Variants in KCNIP4 observed in about 807,000 individuals in gnomAD.
The protein encoded by KCNIP4 is Kv channel-interacting protein 4.
In KCNIP4, 12 loss-of-function variants were observed where a neutral mutation model predicts 34.0. That is an observed-to-expected ratio of 0.35 (90% CI 0.23 to 0.57). The LOEUF is 0.57. Ranked by LOEUF, KCNIP4 falls within the 20% of genes least tolerant of loss-of-function variation. KCNIP4 has a pLI of 0.83. For synonymous variants in KCNIP4, 124 were observed against 102.2 expected (o/e 1.21, Z -1.29); for missense variants, 238 against 311.7 (o/e 0.76, Z 1.78).
chr4:21,330,339 C>T (rs71607065), intron 1 of KCNIP4, among the ~76,000 whole-genome samples: 15 of 152,268 alleles, frequency 9.9e-5, no homozygotes, highest in South Asian at 4.1e-4. Context: ...TAAGTTTAGA[C>T]TATCAGAACT....
chr4:21,092,972 A>T (rs1747132153), intron 1 of KCNIP4, among the ~76,000 whole-genome samples: 1 of 152,252 alleles, frequency 6.6e-6, no homozygotes, highest in African/African-American at 2.4e-5. Context: ...GCATACAAGT[A>T]CTTTGCAACT....
At chr4:21,540,913 G>A (rs910853143) in intron 1 of KCNIP4, among the ~76,000 whole-genome samples, 6 of 152,074 alleles carry the variant, frequency 3.9e-5, no homozygotes, top group Admixed American at 6.6e-5. Context: ...GCTCACGCCT[G>A]TAATCCCAGC....
chr4:21,858,538 A>G (rs28368961), intron 1 of KCNIP4, among the ~76,000 whole-genome samples: 18,963 of 152,226 alleles, frequency 0.12, 3,511 homozygotes, highest in African/African-American at 0.41. Context: ...TGGAGTTTAC[A>G]TAGAAATTAT....
intron 1 of KCNIP4, among the ~76,000 whole-genome samples, chr4:20,914,084 G>A: frequency 6.6e-6 from 1 of 151,964 alleles, no homozygotes; most frequent in South Asian, 2.1e-4. Flanking sequence ...TTGAACCCGG[G>A]AGGAGGAGGT....
At chr4:21,630,967 G>A (rs557068765) in intron 1 of KCNIP4, among the ~76,000 whole-genome samples, 2 of 152,078 alleles carry the variant, frequency 1.3e-5, no homozygotes, top group South Asian at 2.1e-4. Context: ...ACTTTCACAC[G>A]CCCCTTGCAC....
chr4:21,541,792 CCACCAGGCT>C (rs2108999709), intron 1 of KCNIP4, among the ~76,000 whole-genome samples: 1 of 152,076 alleles, frequency 6.6e-6, no homozygotes, highest in African/African-American at 2.4e-5. Flanking sequence ...CAGGCACCTG[CCACCAGGCT>C]CAGCTACTTT....
chr4:21,693,097 G>A (rs1711858877), intron 1 of KCNIP4, among the ~76,000 whole-genome samples: 1 of 95,258 alleles, frequency 1.0e-5, no homozygotes, highest in Non-Finnish European at 2.4e-5. Flanking sequence ...TTTTGCTTAG[G>A]ATCACCTCTT....
chr4:21,146,129 T>A (rs762386339), intron 1 of KCNIP4, among the ~76,000 whole-genome samples: 7 of 152,180 alleles, frequency 4.6e-5, no homozygotes, highest in Non-Finnish European at 8.8e-5. Flanking sequence ...CCGGGCGCAG[T>A]GGCTCACGCC....
At chr4:21,181,333 T>C (rs774963917) in intron 1 of KCNIP4, among the ~76,000 whole-genome samples, 2 of 152,060 alleles carry the variant, frequency 1.3e-5, no homozygotes, top group African/African-American at 2.4e-5. Flanking sequence ...AGCTAAAAAA[T>C]AGTCATTCTC....
intron 3 of KCNIP4, among the ~76,000 whole-genome samples, chr4:20,786,396 A>G (rs1711993975): frequency 6.6e-6 from 1 of 152,158 alleles, no homozygotes; most frequent in South Asian, 2.1e-4. Context: ...CCTCAGCAAC[A>G]CGCAATTATA....
intron 1 of KCNIP4, among the ~76,000 whole-genome samples, chr4:21,510,447 A>G (rs938416549): frequency 2.6e-5 from 4 of 152,174 alleles, no homozygotes; most frequent in Admixed American, 6.5e-5. Flanking sequence ...TACTATTGAC[A>G]TCGTATTACT....
chr4:21,812,042 A>C (rs1013868670), intron 1 of KCNIP4, among the ~76,000 whole-genome samples: 2 of 152,228 alleles, frequency 1.3e-5, no homozygotes, highest in Non-Finnish European at 1.5e-5. Context: ...AAATTCATAC[A>C]TGTTTGGCTC....
At chr4:21,864,778 C>A (rs1354804564) in intron 1 of KCNIP4, among the ~76,000 whole-genome samples, 1 of 152,118 alleles carries the variant, frequency 6.6e-6, no homozygotes, top group Non-Finnish European at 1.5e-5. Flanking sequence ...GATCCTTATG[C>A]AAAACTCCAA....
At chr4:20,861,779 C>T (rs1251357414) in intron 2 of KCNIP4, among the ~76,000 whole-genome samples, 1 of 151,980 alleles carries the variant, frequency 6.6e-6, no homozygotes, top group East Asian at 1.9e-4. Flanking sequence ...TGAAATATAA[C>T]AACCCAGTGG....
intron 1 of KCNIP4, among the ~76,000 whole-genome samples, chr4:20,950,708 C>T (rs891826371): frequency 6.6e-6 from 1 of 151,994 alleles, no homozygotes; most frequent in Non-Finnish European, 1.5e-5. Flanking sequence ...GAGATTATAG[C>T]CTCTGAATCA....
intron 1 of KCNIP4, among the ~76,000 whole-genome samples, chr4:21,637,783 CAAAAAAAA>C (rs3050028): frequency 1.8e-5 from 2 of 109,450 alleles, no homozygotes; most frequent in Middle Eastern, 5.1e-3. Context: ...AAGTCCGTCT[CAAAAAAAA>C]AAAAAAAAAA....
chr4:21,231,309 A>G (rs1044220820), intron 1 of KCNIP4, among the ~76,000 whole-genome samples: 1 of 152,210 alleles, frequency 6.6e-6, no homozygotes, highest in African/African-American at 2.4e-5. Context: ...ATATTGTTTT[A>G]TCACATTTTC....
chr4:20,772,659 T>C (rs1756009413), intron 3 of KCNIP4, among the ~76,000 whole-genome samples: 1 of 152,000 alleles, frequency 6.6e-6, no homozygotes, highest in African/African-American at 2.4e-5. Flanking sequence ...CTTTTTTTTT[T>C]CTTCCGAGTT....
chr4:21,481,954 T>G (rs148316715), intron 1 of KCNIP4, among the ~76,000 whole-genome samples: 1 of 152,150 alleles, frequency 6.6e-6, no homozygotes, highest in Admixed American at 6.5e-5. Flanking sequence ...TAAGTCTCTT[T>G]GTAGGTCTCT....
Sources: gnomAD v4.1 joint callset for allele counts (sites outside exome capture counted in the v4.1 genomes callset) on GRCh38, gnomAD v4.1.1 for gene constraint, MANE v1.5 for transcripts, NCBI Gene and HGNC (gene_info 2026-07-23, HGNC 2026-07-21) for gene names.